EXOC6B: variants seen among roughly 807,000 people sequenced by gnomAD.
EXOC6B encodes exocyst complex component 6B.
A neutral mutation model predicts 113.5 loss-of-function variants in EXOC6B; 54 were observed. That is an observed-to-expected ratio of 0.48 (90% CI 0.38 to 0.60). The LOEUF (loss-of-function observed/expected upper bound fraction) is 0.60. Among genes scored for constraint, EXOC6B ranks in the 20% least tolerant of loss-of-function variants. The probability of loss-of-function intolerance (pLI) is 0.00; values close to 1 mark genes in which losing one functional copy is unlikely to be tolerated. For missense variants in EXOC6B, 797 were observed against 977.5 expected (o/e 0.82, Z 2.46); for synonymous variants, 357 against 339.0 (o/e 1.05, Z -0.58).
At position 72,206,485 on chromosome 2, in the gene EXOC6B, C is replaced by T. The variant is rs148760472; in HGVS notation, c.2197-22298G>A. Among the ~76,000 whole-genome samples the T allele has an allele frequency of 6.0e-3, 912 of 152,266 alleles. 6 individuals are homozygous for T. The highest frequency in any genetic ancestry group is 0.01 in the Non-Finnish European group (684 of 68,002). ...CTGAACTCCATTTGTACCTATTGTT[C>T]ATGGTGCACAGGAAGCACTATATCA... On this transcript the variant is annotated intron_variant, in intron 20 of 21. Transcript: ENST00000272427.
intron 18 of EXOC6B, chr2:72,462,555 G>A (rs1329844816): frequency 6.6e-6 from 1 of 152,020 alleles, no homozygotes; most frequent in Non-Finnish European, 1.5e-5. Flanking sequence ...TTATAGAAGG[G>A]ATTGGGGGAG....
At position 72,190,520 on chromosome 2, in the gene EXOC6B, T is replaced by C. The variant is rs145222273; in HGVS notation, c.2197-6333A>G. Among the ~76,000 whole-genome samples, 443 of 152,320 alleles carry C rather than the reference T, an allele frequency of 2.9e-3. 2 individuals are homozygous for C. Among genetic ancestry groups the C allele is most frequent in the African/African-American group, 0.01 (418 of 41,566 alleles). Reference sequence around the variant, plus strand: ...TAAAAAAGTGTTCTCAGAGAAGTATTACTCCCTCCTCATCCCAACCTGTTC... The same window carrying C: ...TAAAAAAGTGTTCTCAGAGAAGTATCACTCCCTCCTCATCCCAACCTGTTC... On this transcript the variant is annotated intron_variant, in intron 20 of 21. Coordinates refer to ENST00000272427, the MANE Select transcript of EXOC6B (RefSeq NM_015189.3).
chr2:72,753,711 TCCAG>T (rs1434981652), intron 1 of EXOC6B, among the ~76,000 whole-genome samples: 1 of 152,116 alleles, frequency 6.6e-6, no homozygotes, highest in Non-Finnish European at 1.5e-5. Flanking sequence ...GCCCTCCATG[TCCAG>T]CATTATCTCT....
chr2:72,254,837 T>C (rs1176835990), intron 20 of EXOC6B, among the ~76,000 whole-genome samples: 1 of 152,206 alleles, frequency 6.6e-6, no homozygotes, highest in Admixed American at 6.5e-5. Context: ...TGAATTTGTA[T>C]ATCAAGCTGA....
chr2:72,740,098 G>A (rs1382685555), intron 2 of EXOC6B, among the ~76,000 whole-genome samples: 1 of 152,078 alleles, frequency 6.6e-6, no homozygotes, highest in Non-Finnish European at 1.5e-5. Context: ...TGTGATTTAG[G>A]TCATGAAACT....
intron 17 of EXOC6B, among the ~76,000 whole-genome samples, chr2:72,476,116 C>G: frequency 6.6e-6 from 1 of 152,182 alleles, no homozygotes; most frequent in East Asian, 1.9e-4. Flanking sequence ...TGCCATCACA[C>G]AATCTCTCAG....
At position 72,178,098 on chromosome 2, in the gene EXOC6B, T is replaced by C. The variant is rs1347925420; in HGVS notation, c.*1237A>G. On this transcript the variant is annotated 3_prime_UTR_variant, in exon 22 of 22. Coordinates refer to ENST00000272427, the MANE Select transcript of EXOC6B (RefSeq NM_015189.3). ...ACAAGGCCAAAGATGGCTTTGGGGA[T>C]CTCAAAAGAGGGTGGGAACCTTGGG... 1 of 152,180 alleles carries C rather than the reference T, an allele frequency of 6.6e-6. No individual in the cohort carries two copies. Among genetic ancestry groups the C allele is most frequent in the Non-Finnish European group, 1.5e-5 (1 of 68,044 alleles). The allele number at this position is 152,180 out of a possible 1,614,324, so 9.4% of individuals were successfully genotyped here. A position where few individuals can be genotyped will look rare whatever the true frequency, so the allele number is the denominator to read the frequency against.
intron 18 of EXOC6B, among the ~76,000 whole-genome samples, chr2:72,399,514 C>G (rs1692999486): frequency 6.6e-6 from 1 of 152,140 alleles, no homozygotes; most frequent in African/African-American, 2.4e-5. Context: ...CAAACTATCT[C>G]TCCTTGCTGA....
At chr2:72,457,324 T>G (rs1390242077) in intron 18 of EXOC6B, among the ~76,000 whole-genome samples, 1 of 152,064 alleles carries the variant, frequency 6.6e-6, no homozygotes, top group Non-Finnish European at 1.5e-5. Flanking sequence ...GGGTTTTAAA[T>G]GGGAAGAATT....
chr2:72,183,933 G>C, intron 21 of EXOC6B, 142 bp downstream of exon 21: 1 of 525,432 alleles, frequency 1.9e-6, no homozygotes, highest in Admixed American at 3.4e-5. Flanking sequence ...GACTGAGATT[G>C]CTGACAGCAC....
chr2:72,229,570 C>T (rs1028926812), intron 20 of EXOC6B, among the ~76,000 whole-genome samples: 1 of 152,142 alleles, frequency 6.6e-6, no homozygotes, highest in African/African-American at 2.4e-5. Flanking sequence ...CCAGTGAAGG[C>T]TCTAGAGCAT....
intron 6 of EXOC6B, among the ~76,000 whole-genome samples, chr2:72,621,043 C>T (rs1362059450): frequency 6.6e-6 from 1 of 152,182 alleles, no homozygotes; most frequent in Non-Finnish European, 1.5e-5. Flanking sequence ...AACGCTTATA[C>T]ACTGTTGGTG....
intron 18 of EXOC6B, among the ~76,000 whole-genome samples, chr2:72,429,251 G>A (rs1194069033): frequency 6.6e-6 from 1 of 152,122 alleles, no homozygotes; most frequent in African/African-American, 2.4e-5. Context: ...CCTCACCATT[G>A]GGTTAGCCAT....
At chr2:72,573,851 C>G (rs141715998) in intron 7 of EXOC6B, among the ~76,000 whole-genome samples, 1 of 152,128 alleles carries the variant, frequency 6.6e-6, no homozygotes. Flanking sequence ...TGCGGTGGCT[C>G]ACGCCTATAA....
intron 16 of EXOC6B, among the ~76,000 whole-genome samples, chr2:72,482,565 CAT>C (rs371970864): frequency 6.6e-6 from 1 of 152,036 alleles, no homozygotes; most frequent in African/African-American, 2.4e-5. Flanking sequence ...TGGTACTACA[CAT>C]GTTTACAATC....
chr2:72,805,603 A>G (rs148175880), intron 1 of EXOC6B, among the ~76,000 whole-genome samples: 117 of 152,328 alleles, frequency 7.7e-4, no homozygotes, highest in African/African-American at 2.5e-3. Context: ...GGTAATTGGC[A>G]TATCTGTCAC....
intron 1 of EXOC6B, among the ~76,000 whole-genome samples, chr2:72,797,535 C>T (rs1167459377): frequency 1.3e-5 from 2 of 152,196 alleles, no homozygotes; most frequent in East Asian, 1.9e-4. Context: ...CATATGTGGC[C>T]GGGTGCAATG....
chr2:72,719,719 T>C (rs2104726692), intron 5 of EXOC6B, among the ~76,000 whole-genome samples: 1 of 152,294 alleles, frequency 6.6e-6, no homozygotes, highest in African/African-American at 2.4e-5. Flanking sequence ...TGAAATATGA[T>C]ACCTTGCTAG....
intron 7 of EXOC6B, among the ~76,000 whole-genome samples, chr2:72,571,477 T>C (rs1704506815): frequency 2.0e-5 from 3 of 152,168 alleles, no homozygotes; most frequent in Admixed American, 2.0e-4. Context: ...TAATATATGA[T>C]TAGTTTTTTT....
Sources: gnomAD v4.1 joint callset for allele counts (sites outside exome capture counted in the v4.1 genomes callset) on GRCh38, gnomAD v4.1.1 for gene constraint, MANE v1.5 for transcripts, NCBI Gene and HGNC (gene_info 2026-07-23, HGNC 2026-07-21) for gene names.